Variants in MYT1L observed in about 807,000 individuals in gnomAD.
MYT1L encodes myelin transcription factor 1-like protein.
In MYT1L, 12 loss-of-function variants were observed where a neutral mutation model predicts 126.7. The observed-to-expected ratio is 0.09, with a 90% CI of 0.06 to 0.15. The LOEUF is 0.15. Ranked by LOEUF, MYT1L falls within the 10% of genes least tolerant of loss-of-function variation. MYT1L has a pLI of 1.00. For synonymous variants in MYT1L, 541 were observed against 604.2 expected (o/e 0.90, Z 1.53); for missense variants, 979 against 1,585.2 (o/e 0.62, Z 6.49).
chr2:2,076,126 C>G (rs1456074005), intron 3 of MYT1L, among the ~76,000 whole-genome samples: 2 of 152,186 alleles, frequency 1.3e-5, no homozygotes, highest in Non-Finnish European at 2.9e-5. Flanking sequence ...GTGGTTTCAG[C>G]TGGGACAAAC....
intron 3 of MYT1L, among the ~76,000 whole-genome samples, chr2:2,101,584 C>T (rs994692462): frequency 1.3e-5 from 2 of 151,816 alleles, no homozygotes; most frequent in African/African-American, 4.8e-5. Flanking sequence ...TACCCAACCA[C>T]CCATCCATCC....
At chr2:1,837,272 G>A (rs142193765) in intron 21 of MYT1L, among the ~76,000 whole-genome samples, 5 of 152,230 alleles carry the variant, frequency 3.3e-5, no homozygotes, top group South Asian at 2.1e-4. Context: ...ACCAGGCTCC[G>A]CAGAGGCAGC....
At chr2:1,928,612 C>T (rs1290487181) in intron 9 of MYT1L, among the ~76,000 whole-genome samples, 3 of 152,186 alleles carry the variant, frequency 2.0e-5, no homozygotes, top group Non-Finnish European at 4.4e-5. Flanking sequence ...TAACGCCGCT[C>T]CCTTCTGCCT....
intron 2 of MYT1L, among the ~76,000 whole-genome samples, chr2:2,195,806 G>A (rs1311837762): frequency 1.3e-5 from 2 of 152,036 alleles, no homozygotes; most frequent in East Asian, 1.9e-4. Context: ...AGGCCAAAGA[G>A]AGAATTAGTG....
chr2:1,905,694 C>G (rs1163551407), intron 13 of MYT1L, among the ~76,000 whole-genome samples: 1 of 152,182 alleles, frequency 6.6e-6, no homozygotes, highest in African/African-American at 2.4e-5. Context: ...TTCTTGATTA[C>G]TAGTATCAGT....
At chr2:2,122,877 G>C (rs901411604) in intron 3 of MYT1L, among the ~76,000 whole-genome samples, 3 of 151,262 alleles carry the variant, frequency 2.0e-5, no homozygotes, top group Admixed American at 1.3e-4. Flanking sequence ...GTGTGTGAGA[G>C]AGAGAGAGAG....
chr2:2,157,050 A>G (rs980940064), intron 3 of MYT1L, among the ~76,000 whole-genome samples: 21 of 152,202 alleles, frequency 1.4e-4, no homozygotes, highest in African/African-American at 4.6e-4. Flanking sequence ...GTTCGGCAAA[A>G]TAAGTGTCCT....
At chr2:2,027,257 C>T (rs550547511) in intron 4 of MYT1L, among the ~76,000 whole-genome samples, 15 of 152,244 alleles carry the variant, frequency 9.9e-5, no homozygotes, top group African/African-American at 2.9e-4. Flanking sequence ...AGCACCCTCC[C>T]GGCTGGTGAG....
chr2:2,047,760 A>G (rs113339094), intron 4 of MYT1L, among the ~76,000 whole-genome samples: 2 of 152,372 alleles, frequency 1.3e-5, no homozygotes, highest in African/African-American at 4.8e-5. Context: ...TTCTCCAAAC[A>G]TACTAACAAT....
chr2:1,812,916 C>T (rs764007821), intron 21 of MYT1L, among the ~76,000 whole-genome samples: 36 of 151,248 alleles, frequency 2.4e-4, no homozygotes, highest in Non-Finnish European at 3.1e-4. Context: ...ATGCAGCTGC[C>T]GCCCTGGGTT....
chr2:2,287,538 A>G (rs529450236), intron 1 of MYT1L, among the ~76,000 whole-genome samples: 3 of 152,348 alleles, frequency 2.0e-5, no homozygotes, highest in African/African-American at 7.2e-5. Context: ...GTTGAAAAAA[A>G]TATAAATACT....
intron 1 of MYT1L, chr2:2,325,249 TTAAAA>T (rs377012892): frequency 8.5e-5 from 13 of 152,286 alleles, no homozygotes; most frequent in African/African-American, 3.1e-4. Flanking sequence ...CTGTCACTTC[TTAAAA>T]TAAAAGAATG....
At chr2:1,799,637 T>C (rs2147888631) in intron 23 of MYT1L, among the ~76,000 whole-genome samples, 1 of 152,360 alleles carries the variant, frequency 6.6e-6, no homozygotes, top group Admixed American at 6.5e-5. Flanking sequence ...TTCTGCCTCA[T>C]CAGAGAGTGC....
At chr2:1,897,906 G>A (rs2049829086) in intron 14 of MYT1L, among the ~76,000 whole-genome samples, 1 of 152,148 alleles carries the variant, frequency 6.6e-6, no homozygotes, top group African/African-American at 2.4e-5. Context: ...CTTCAAACAG[G>A]AGCAGCCGCT....
intron 2 of MYT1L, among the ~76,000 whole-genome samples, chr2:2,245,250 G>A (rs575472883): frequency 4.4e-4 from 67 of 152,054 alleles, no homozygotes; most frequent in African/African-American, 1.5e-3. Context: ...AACGACCTTC[G>A]GCAGGCTCCA....
At chr2:2,188,377 A>G (rs538760535) in intron 2 of MYT1L, among the ~76,000 whole-genome samples, 1 of 152,372 alleles carries the variant, frequency 6.6e-6, no homozygotes, top group South Asian at 2.1e-4. Context: ...CTGGGGGAAC[A>G]CACACTGCCA....
intron 4 of MYT1L, among the ~76,000 whole-genome samples, chr2:2,050,674 TA>T (rs2068725053): frequency 6.6e-6 from 1 of 152,118 alleles, no homozygotes; most frequent in South Asian, 2.1e-4. Context: ...TAAAGGAAGC[TA>T]AGCTGCTGCA....
intron 22 of MYT1L, among the ~76,000 whole-genome samples, chr2:1,804,329 C>G (rs957481848): frequency 5.9e-5 from 9 of 152,160 alleles, no homozygotes; most frequent in Non-Finnish European, 8.8e-5. Flanking sequence ...ACCATGTTGG[C>G]CAGGCTGGTC....
At chr2:2,041,714 A>G (rs1024956267) in intron 4 of MYT1L, among the ~76,000 whole-genome samples, 3 of 152,116 alleles carry the variant, frequency 2.0e-5, no homozygotes, top group Non-Finnish European at 2.9e-5. Context: ...GATTTTCCGG[A>G]AAGAAGGGAA....
Sources: gnomAD v4.1 joint callset for allele counts (sites outside exome capture counted in the v4.1 genomes callset) on GRCh38, gnomAD v4.1.1 for gene constraint, MANE v1.5 for transcripts, NCBI Gene and HGNC (gene_info 2026-07-23, HGNC 2026-07-21) for gene names.